ZNF462: variants seen among roughly 807,000 people sequenced by gnomAD.
ZNF462 encodes zinc finger protein 462.
A neutral mutation model predicts 201.9 loss-of-function variants in ZNF462; 10 were observed. The ratio of observed to expected loss-of-function variants is 0.05; its 90% CI spans 0.03 to 0.08. ZNF462 has a LOEUF of 0.08. Ranked by LOEUF, ZNF462 falls within the 10% of genes least tolerant of loss-of-function variation. ZNF462 has a pLI of 1.00. For missense variants in ZNF462, 2,523 were observed against 3,168.3 expected (o/e 0.80, Z 4.89); for synonymous variants, 1,227 against 1,193.3 (o/e 1.03, Z -0.58).
At chr9:106,976,960 G>A (rs150297785) in intron 9 of ZNF462, among the ~76,000 whole-genome samples, 15 of 152,224 alleles carry the variant, frequency 9.9e-5, no homozygotes, top group East Asian at 5.8e-4. Flanking sequence ...CCCACCAGGC[G>A]TCACTCTCTC....
chr9:106,974,417 A>C lies in ZNF462; in HGVS notation c.6832+144A>C. 3.8e-6 allele frequency: 5 copies of C among 1,318,128 alleles called. No individual in the cohort carries two copies. The highest frequency in any genetic ancestry group is 5.5e-6 in the Non-Finnish European group (5 of 916,036). 81.7% of individuals were successfully genotyped at this position (1,318,128 alleles called of 1,614,324 possible). A position where few individuals can be genotyped will look rare whatever the true frequency, so the allele number is the denominator to read the frequency against. On this transcript the variant is annotated intron_variant, in intron 9 of 12. Coordinates refer to ENST00000277225, the MANE Select transcript of ZNF462 (RefSeq NM_021224.6). The surrounding 1 kb of genome is among the most constrained non-coding windows in gnomAD (Gnocchi z 4.0). ...CAGGCAAGAAACCACAGTGATAACCACAGTGACAGCCAAAAGGGCAAAAAC... is the reference window on the plus strand; with the variant it reads ...CAGGCAAGAAACCACAGTGATAACCCCAGTGACAGCCAAAAGGGCAAAAAC...
chr9:106,929,579 C>A lies in ZNF462; in HGVS notation c.5667C>A (p.Asn1889Lys). The A allele has an allele frequency of 6.2e-7, 1 of 1,614,218 alleles. No individual in the cohort carries two copies. The highest frequency in any genetic ancestry group is 8.5e-7 in the Non-Finnish European group (1 of 1,180,038). Residue 1889 changes from asparagine (N) to lysine (K), a missense_variant, in exon 3 of 13, where the codon AAC becomes AAA. Transcript: ENST00000277225. This position sits in a 1 kb window ranked among gnomAD's most constrained non-coding sequence, Gnocchi z 8.7. ...TGGGCAACGGCCCCCGCTTGCAGAACTCCACCTACCAGTGTAAGCACTGTG... is the reference window on the plus strand; with the variant it reads ...TGGGCAACGGCCCCCGCTTGCAGAAATCCACCTACCAGTGTAAGCACTGTG... Reference protein sequence around the residue: ...IILGNGPRLQNSTYQCKHCDS... With the variant: ...IILGNGPRLQKSTYQCKHCDS...
At chr9:106,868,723 C>G (rs527353343) in intron 1 of ZNF462, among the ~76,000 whole-genome samples, 1 of 152,244 alleles carries the variant, frequency 6.6e-6, no homozygotes, top group Admixed American at 6.5e-5. Context: ...TGTAACCGAG[C>G]CAGGCCTAGA....
At chr9:106,934,105 G>C (rs1258640074) in intron 5 of ZNF462, among the ~76,000 whole-genome samples, 1 of 152,022 alleles carries the variant, frequency 6.6e-6, no homozygotes, top group African/African-American at 2.4e-5. Context: ...ACTGTACTAA[G>C]GGCCTTTAAA....
At chr9:106,961,806 G>A (rs1564134668) in intron 7 of ZNF462, among the ~76,000 whole-genome samples, 2 of 151,974 alleles carry the variant, frequency 1.3e-5, no homozygotes, top group African/African-American at 2.4e-5. Context: ...GAAGGGTCAA[G>A]GAAAATCTTC....
In ZNF462 at chr9:106,930,631, A is replaced by G; in HGVS notation, c.5954A>G (p.Asn1985Ser). ...EVHPTLRAICNHLRKHVQYGN... is the reference protein window; with the variant it reads ...EVHPTLRAICSHLRKHVQYGN... The stretch of plus-strand genomic sequence containing the variant: ...CACCCAACGCTCCGAGCCATCTGCA[A>G]TCACCTCCGAAAGCACGTCCAGTAT... Residue 1985 changes from asparagine (N) to serine (S), a missense_variant, in exon 4 of 13, where the codon AAT becomes AGT. Asn to Ser is a conservative substitution (Grantham distance 46, BLOSUM62 1). This residue lies in a region of ZNF462 where 107 missense variants were observed against 187.7 expected (regional missense o/e 0.57). Transcript: ENST00000277225. The surrounding 1 kb of genome is among the most constrained non-coding windows in gnomAD (Gnocchi z 5.8). 6.2e-7 allele frequency: 1 copy of G among 1,614,128 alleles called. No individual in the cohort carries two copies. Among genetic ancestry groups the G allele is most frequent in the Non-Finnish European group, 8.5e-7 (1 of 1,180,020 alleles).
chr9:106,878,036 T>C (rs1436792662), intron 1 of ZNF462, among the ~76,000 whole-genome samples: 2 of 152,334 alleles, frequency 1.3e-5, no homozygotes, highest in Non-Finnish European at 2.9e-5. Context: ...GGAATGCTAC[T>C]GTCACATGTG....
At chr9:106,887,719 T>A (rs1828383332) in intron 1 of ZNF462, among the ~76,000 whole-genome samples, 1 of 152,224 alleles carries the variant, frequency 6.6e-6, no homozygotes, top group African/African-American at 2.4e-5. Flanking sequence ...CTGTTTATTG[T>A]TGAATTCACA....
chr9:106,910,380 T>TTTTTG (rs1829499604), intron 1 of ZNF462, among the ~76,000 whole-genome samples: 4 of 149,940 alleles, frequency 2.7e-5, no homozygotes, highest in Non-Finnish European at 5.9e-5. Context: ...TTTTTTTTTT[T>TTTTTG]TTTTTTAATA....
chr9:106,984,373 G>T lies in ZNF462; in HGVS notation c.7020G>T (p.Thr2340=), dbSNP rs559013356. The T allele has an allele frequency of 6.9e-5, 111 of 1,613,868 alleles. 1 individual carries two copies. In the Admixed American group the frequency reaches 1.8e-3, roughly 27 times the overall value. ...CQLCYYETKH[T]EELDSHLRDE... is the part of the protein sequence containing the mutation. ...TCTGCTACTATGAGACCAAGCACACGGAGGAACTGGACAGCCACCTTCGGG... is the reference window on the plus strand; with the variant it reads ...TCTGCTACTATGAGACCAAGCACACTGAGGAACTGGACAGCCACCTTCGGG... Residue 2340 remains threonine (T), a synonymous_variant, in exon 10 of 13, where the codon ACG becomes ACT. Transcript: ENST00000277225. This position sits in a 1 kb window ranked among gnomAD's most constrained non-coding sequence, Gnocchi z 6.4.
At position 106,917,053 on chromosome 9, in the gene ZNF462, G is replaced by C. The variant is rs1055025213; in HGVS notation, c.-30-6301G>C. 6.6e-6 allele frequency among the ~76,000 whole-genome samples: 1 copy of C among 152,150 alleles called. No individual in the cohort carries two copies. The highest frequency in any genetic ancestry group is 1.5e-5 in the Non-Finnish European group (1 of 68,024). The stretch of plus-strand genomic sequence containing the variant: ...TGGCAGACTGCCTATTGGCCTGTTG[G>C]CCTCAATTAGCCTTATATCATTGCA... On this transcript the variant is annotated intron_variant, in intron 1 of 12. Transcript: ENST00000277225. The surrounding 1 kb of genome is among the most constrained non-coding windows in gnomAD (Gnocchi z 4.5).
chr9:106,967,616 C>T (rs1220426434), intron 7 of ZNF462, among the ~76,000 whole-genome samples: 1 of 152,060 alleles, frequency 6.6e-6, no homozygotes, highest in East Asian at 1.9e-4. Flanking sequence ...TCAAGAGCCA[C>T]GAAAAAGCAC....
rs548784015 is a variant in ZNF462, at chr9:106,986,768, T to TC, written c.7056+2361dup. Among the ~76,000 whole-genome samples the TC allele has an allele frequency of 1.6e-3, 242 of 152,180 alleles. 3 individuals carry two copies. Among genetic ancestry groups the TC allele is most frequent in the African/African-American group, 5.5e-3 (229 of 41,546 alleles). On this transcript the variant is annotated intron_variant, in intron 10 of 12. Coordinates refer to ENST00000277225, the MANE Select transcript of ZNF462 (RefSeq NM_021224.6). ...TGTAGTCTTTTATCCCTTGCCCCCC[T>TC]CCACCCTTCCTCCCAAGTCCCCAAA...
At chr9:106,868,050 C>T (rs1489508067) in intron 1 of ZNF462, among the ~76,000 whole-genome samples, 1 of 142,192 alleles carries the variant, frequency 7.0e-6, no homozygotes, top group African/African-American at 2.7e-5. Flanking sequence ...ATTTCCATGA[C>T]TGAAAGCTAA....
intron 1 of ZNF462, among the ~76,000 whole-genome samples, chr9:106,884,016 G>A (rs1828212137): frequency 6.6e-6 from 1 of 152,174 alleles, no homozygotes; most frequent in East Asian, 1.9e-4. Context: ...GTGGGGGAAG[G>A]GTGGACAGCT....
chr9:106,898,428 G>A (rs1182806125), intron 1 of ZNF462, among the ~76,000 whole-genome samples: 1 of 152,142 alleles, frequency 6.6e-6, no homozygotes, highest in African/African-American at 2.4e-5. Flanking sequence ...GGAGGTGGAG[G>A]GGGGGTCATT....
At position 106,993,952 on chromosome 9, in the gene ZNF462, A is replaced by T. The variant is rs769789681; in HGVS notation, c.7057-9342A>T. Among the ~76,000 whole-genome samples the T allele has an allele frequency of 6.6e-6, 1 of 152,110 alleles. No individual in the cohort carries two copies. Among genetic ancestry groups the T allele is most frequent in the Non-Finnish European group, 1.5e-5 (1 of 67,996 alleles). On this transcript the variant is annotated intron_variant, in intron 10 of 12. Coordinates refer to ENST00000277225, the MANE Select transcript of ZNF462 (RefSeq NM_021224.6). The surrounding 1 kb of genome is among the most constrained non-coding windows in gnomAD (Gnocchi z 4.0). ...GAACCTTAAAGTCATGAAGAAAAAC[A>T]AACCTTGCACTTCTCACATTTAAAA...
intron 7 of ZNF462, among the ~76,000 whole-genome samples, chr9:106,952,821 C>T (rs10978681): frequency 0.063 from 9,587 of 152,126 alleles, 953 homozygotes; most frequent in African/African-American, 0.21. Context: ...AGACAGGAAC[C>T]TCCATGACTA....
intron 7 of ZNF462, among the ~76,000 whole-genome samples, chr9:106,965,335 CTCATA>C (rs2131954423): frequency 6.7e-6 from 1 of 149,090 alleles, no homozygotes; most frequent in South Asian, 2.1e-4. Context: ...ATAGGGCACA[CTCATA>C]TCATAATCAT....
Sources: allele counts gnomAD v4.1 joint callset (sites outside exome capture counted in the v4.1 genomes callset), GRCh38; gene constraint gnomAD v4.1.1; regional missense constraint gnomAD v4.1.1; non-coding constraint Gnocchi (gnomAD v3.1); transcripts MANE v1.5; gene names NCBI Gene and HGNC (gene_info 2026-07-23, HGNC 2026-07-21).